Variants in TNKS observed in about 807,000 individuals in gnomAD.
TNKS encodes the protein tankyrase, also known as poly [ADP-ribose] polymerase tankyrase-1.
Under a neutral mutation model 135.8 loss-of-function variants are expected in TNKS, and 72 were observed. The observed-to-expected ratio is 0.53, with a 90% CI of 0.44 to 0.64. The LOEUF (loss-of-function observed/expected upper bound fraction) is 0.64. TNKS is among the 30% of genes least tolerant of loss of function. The pLI, the probability that TNKS is intolerant of heterozygous loss-of-function variation, is 0.00. For synonymous variants in TNKS, 849 were observed against 649.3 expected (o/e 1.31, Z -4.68); for missense variants, 1,769 against 1,674.0 (o/e 1.06, Z -0.99).
intron 11 of TNKS, among the ~76,000 whole-genome samples, chr8:9,711,405 T>C (rs1804329214): frequency 1.3e-5 from 2 of 152,214 alleles, no homozygotes; most frequent in South Asian, 4.1e-4. Flanking sequence ...TAGTGTACTT[T>C]ACTTGTGTCC....
chr8:9,697,077 G>A (rs1383406520), intron 5 of TNKS, among the ~76,000 whole-genome samples: 1 of 152,072 alleles, frequency 6.6e-6, no homozygotes, highest in Non-Finnish European at 1.5e-5. Context: ...AAAGAAAACA[G>A]CATGGCACTG....
intron 26 of TNKS, among the ~76,000 whole-genome samples, chr8:9,773,107 C>T (rs1017708693): frequency 2.0e-5 from 3 of 151,478 alleles, no homozygotes; most frequent in Admixed American, 2.0e-4. Flanking sequence ...CCTTTAACTT[C>T]TAGAAAAGAA....
intron 12 of TNKS, among the ~76,000 whole-genome samples, chr8:9,721,467 A>C (rs955928996): frequency 1.3e-5 from 2 of 151,700 alleles, no homozygotes; most frequent in African/African-American, 4.8e-5. Context: ...ACTAGAATCA[A>C]AAGTTTAGTA....
At chr8:9,749,517 C>G (rs553693022) in intron 18 of TNKS, among the ~76,000 whole-genome samples, 1 of 151,058 alleles carries the variant, frequency 6.6e-6, no homozygotes, top group South Asian at 2.1e-4. Flanking sequence ...CTATGTCACC[C>G]AAGCCAGAGT....
At chr8:9,601,728 G>C (rs984787659) in intron 2 of TNKS, among the ~76,000 whole-genome samples, 7 of 152,066 alleles carry the variant, frequency 4.6e-5, no homozygotes, top group African/African-American at 9.7e-5. Flanking sequence ...GATAAAGTCA[G>C]TACTCAAAGA....
rs546682221 is a variant in TNKS at position 9,616,142 on chromosome 8, A to G, written c.994+465A>G. Reference sequence around the variant, plus strand: ...GCCACCCCGTTTATACTTTAATCATATGTTTTCACTTTTACCATGATAGCT... The same window carrying G: ...GCCACCCCGTTTATACTTTAATCATGTGTTTTCACTTTTACCATGATAGCT... On this transcript the variant is annotated intron_variant, in intron 3 of 26. Transcript: ENST00000310430. 7.9e-4 allele frequency among the ~76,000 whole-genome samples: 120 copies of G among 152,282 alleles called. 2 individuals carry two copies. The highest frequency in any genetic ancestry group is 2.8e-3 in the African/African-American group (115 of 41,558).
rs1406801770 is a variant in TNKS at position 9,601,208 on chromosome 8, C to G, written c.899-14374C>G. Among the ~76,000 whole-genome samples the G allele has an allele frequency of 3.9e-5, 6 of 152,106 alleles. No individual in the cohort carries two copies. The East Asian group carries it at 5.8e-4, about 15-fold the overall frequency. On this transcript the variant is annotated intron_variant, in intron 2 of 26. Coordinates refer to ENST00000310430, the MANE Select transcript of TNKS (RefSeq NM_003747.3). The stretch of plus-strand genomic sequence containing the variant: ...ACTTTCAGATATAACACTAAATATT[C>G]CTGTTGTTAAGGTAGCTGAAGTAGT...
intron 2 of TNKS, among the ~76,000 whole-genome samples, chr8:9,581,819 C>T (rs539847494): frequency 1.3e-5 from 2 of 152,198 alleles, no homozygotes; most frequent in South Asian, 2.1e-4. Flanking sequence ...TAGTATTTCT[C>T]GCCTCCTCCT....
intron 26 of TNKS, among the ~76,000 whole-genome samples, chr8:9,770,606 A>G (rs760193226): frequency 3.3e-5 from 5 of 152,230 alleles, no homozygotes; most frequent in Non-Finnish European, 4.4e-5. Context: ...GTGGGTCTTC[A>G]TGGATGTACA....
At chr8:9,584,190 CTG>C (rs1234506922) in intron 2 of TNKS, among the ~76,000 whole-genome samples, 5 of 142,002 alleles carry the variant, frequency 3.5e-5, no homozygotes, top group African/African-American at 1.3e-4. Context: ...AAAAAAAAAT[CTG>C]GGAGTCACAA....
intron 2 of TNKS, among the ~76,000 whole-genome samples, chr8:9,613,430 C>A (rs984153107): frequency 6.6e-6 from 1 of 152,176 alleles, no homozygotes; most frequent in Non-Finnish European, 1.5e-5. Context: ...TAGACCCCTG[C>A]TGATCTAATG....
At chr8:9,652,653 G>A (rs1585280291) in intron 3 of TNKS, among the ~76,000 whole-genome samples, 1 of 152,010 alleles carries the variant, frequency 6.6e-6, no homozygotes, top group African/African-American at 2.4e-5. Flanking sequence ...TGAAAAGGAG[G>A]TCCTGTCTTC....
intron 17 of TNKS, among the ~76,000 whole-genome samples, chr8:9,746,426 C>A (rs898703244): frequency 2.0e-5 from 3 of 152,162 alleles, no homozygotes; most frequent in Non-Finnish European, 4.4e-5. Flanking sequence ...TGAACCTGGT[C>A]TCCATGGAAC....
At chr8:9,619,848 C>G (rs1322720840) in intron 3 of TNKS, among the ~76,000 whole-genome samples, 1 of 146,112 alleles carries the variant, frequency 6.8e-6, no homozygotes, top group Admixed American at 7.0e-5. Flanking sequence ...AGACCAACAT[C>G]TTTAGCATAA....
chr8:9,590,495 T>TTGCC (rs1205757565), intron 2 of TNKS, among the ~76,000 whole-genome samples: 1 of 152,184 alleles, frequency 6.6e-6, no homozygotes, highest in Non-Finnish European at 1.5e-5. Flanking sequence ...ACTTGTTTGT[T>TTGCC]TGCCATCTGT....
chr8:9,595,000 A>C (rs1049038051), intron 2 of TNKS, among the ~76,000 whole-genome samples: 9 of 152,178 alleles, frequency 5.9e-5, no homozygotes, highest in Admixed American at 3.3e-4. Flanking sequence ...AATTAGTTGA[A>C]AATTCAGTGA....
At chr8:9,772,813 G>A (rs966971555) in intron 26 of TNKS, among the ~76,000 whole-genome samples, 3 of 72,654 alleles carry the variant, frequency 4.1e-5, no homozygotes, top group Non-Finnish European at 7.7e-5. Flanking sequence ...GTGTGTTTGT[G>A]TGTGTGTGTG....
chr8:9,773,154 T>C (rs1808033407), intron 26 of TNKS, among the ~76,000 whole-genome samples: 2 of 151,868 alleles, frequency 1.3e-5, no homozygotes, highest in South Asian at 2.1e-4. Context: ...TTATACTTCT[T>C]CTAGAAATTT....
intron 21 of TNKS, among the ~76,000 whole-genome samples, chr8:9,762,904 CA>C (rs148458789): frequency 0.39 from 43,477 of 112,068 alleles, 6,654 homozygotes; most frequent in East Asian, 0.46. Flanking sequence ...GGCTCCGTCT[CA>C]AAAAAAAAAA....
Sources: gnomAD v4.1 joint callset for allele counts (sites outside exome capture counted in the v4.1 genomes callset) on GRCh38, gnomAD v4.1.1 for gene constraint, MANE v1.5 for transcripts, NCBI Gene and HGNC (gene_info 2026-07-23, HGNC 2026-07-21) for gene names.